TONSL: variants seen among roughly 807,000 people sequenced by gnomAD.
TONSL encodes the protein tonsoku like, DNA repair protein, also known as tonsoku-like protein.
TONSL carries 112 observed loss-of-function variants against 147.1 expected under a neutral mutation model. The ratio of observed to expected loss-of-function variants is 0.76; its 90% CI spans 0.65 to 0.89. TONSL has a LOEUF of 0.89. Ranked by LOEUF, TONSL falls within the 40% of genes least tolerant of loss-of-function variation. The probability of loss-of-function intolerance (pLI) is 0.00; values close to 1 mark genes in which losing one functional copy is unlikely to be tolerated. For synonymous variants in TONSL, 868 were observed against 801.5 expected (o/e 1.08, Z -1.40); for missense variants, 1,883 against 1,864.6 (o/e 1.01, Z -0.18).
At chr8:144,442,562 G>C in intron 5 of TONSL, 115 bp downstream of exon 5, 2 of 1,499,210 alleles carry the variant, frequency 1.3e-6, no homozygotes, top group Non-Finnish European at 1.8e-6. Flanking sequence ...AGAGGTGGGG[G>C]GATGAGGCCC....
chr8:144,435,107 G>A lies in TONSL; in HGVS notation c.2916C>T (p.Cys972=), dbSNP rs369455058. The A allele has an allele frequency of 3.0e-4, 472 of 1,598,844 alleles. 1 individual carries two copies. In the Middle Eastern group the frequency reaches 4.4e-3, roughly 15 times the overall value. ...EQAAQRYYQT[C]GLLPRLTLRK... ...GTAGGGTGAGCCTGGGCAGCAGCCC[G>A]CAGGTCTGGTAGTAGCGCTGGGCCG... The change falls in exon 19 of 26, where the codon TGC becomes TGT. Residue 972 remains cysteine, a synonymous_variant. Coordinates refer to ENST00000409379, the MANE Select transcript of TONSL (RefSeq NM_013432.5).
chr8:144,433,562 G>A (rs1554879190), intron 22 of TONSL, 26 bp downstream of exon 22: 4 of 1,610,570 alleles, frequency 2.5e-6, no homozygotes, highest in Middle Eastern at 1.6e-4. Context: ...GCTAGGGAGT[G>A]GACAGGGAGT....
In TONSL at chr8:144,432,365, G is replaced by C; in HGVS notation, c.3655C>G (p.Leu1219Val). 1 of 1,613,250 alleles carries C rather than the reference G, an allele frequency of 6.2e-7. No individual in the cohort carries two copies. The highest frequency in any genetic ancestry group is 8.5e-7 in the Non-Finnish European group (1 of 1,179,778). The change falls in exon 23 of 26, where the codon CTG becomes GTG. Residue 1219 changes from leucine to valine, a missense_variant. Leu to Val is a conservative substitution (Grantham distance 32, BLOSUM62 1). Transcript: ENST00000409379. ...GCCACGGAGCTGAGCTCTAAGTGCA[G>C]GAGGGTGCCGGCGGGCAGGCTCTGC... ...TLQSLPAGTL[L>V]HLELSSVAAG...
Position 144,436,417 on chromosome 8 carries a change from A to T in TONSL, c.2016T>A (p.Asp672Glu), listed in dbSNP as rs1564730458. ...TGTGGAAGGCCTGGGAGCTGTGGGG[A>T]TCTGTGGGAGAGAGAATGCGTGTTG... ...MLLQAAASGQ[D>E]PHSSQAFHTP... The change falls in exon 17 of 26, where the codon GAT becomes GAA. Residue 672 changes from aspartate (D) to glutamate (E), a missense_variant and splice_region_variant. Physicochemically the swap from Asp to Glu is conservative, Grantham distance 45 (BLOSUM62 2). Coordinates refer to ENST00000409379, the MANE Select transcript of TONSL (RefSeq NM_013432.5). 3 of 1,514,402 alleles carry T rather than the reference A, an allele frequency of 2.0e-6. No homozygotes were observed. The highest frequency in any genetic ancestry group is 2.6e-6 in the Non-Finnish European group (3 of 1,136,414). The allele number at this position is 1,514,402 out of a possible 1,614,324, so 93.8% of individuals were successfully genotyped here. A position where few individuals can be genotyped will look rare whatever the true frequency, so the allele number is the denominator to read the frequency against.
chr8:144,438,595 C>T (rs780746946), intron 12 of TONSL, 35 bp from the exon 13 acceptor site: 16 of 1,531,138 alleles, frequency 1.0e-5, no homozygotes, highest in African/African-American at 5.5e-5. Context: ...AGGGCAGGGG[C>T]GTGAGGAGCT....
At position 144,434,999 on chromosome 8, in the gene TONSL, C is replaced by T; in HGVS notation, c.3006+18G>A. ...CCGGTGCCTGAGGCCCTGGCTCCCC[C>T]TCCGCTCTGCGGCTCACCTCGTCAT... On this transcript the variant is annotated intron_variant, in intron 19 of 25. Coordinates refer to ENST00000409379, the MANE Select transcript of TONSL (RefSeq NM_013432.5). 6.2e-7 allele frequency: 1 copy of T among 1,612,064 alleles called. No homozygotes were observed. Among genetic ancestry groups the T allele is most frequent in the South Asian group, 1.1e-5 (1 of 90,880 alleles).
At chr8:144,439,451 C>T (rs1384874056) in intron 11 of TONSL, among the ~76,000 whole-genome samples, 2 of 126,022 alleles carry the variant, frequency 1.6e-5, no homozygotes, top group Non-Finnish European at 3.8e-5. Flanking sequence ...GAAGTCACAG[C>T]CTTCCCTGGA....
At chr8:144,433,429 G>T in intron 22 of TONSL, 159 bp downstream of exon 22, 1 of 733,586 alleles carries the variant, frequency 1.4e-6, no homozygotes, top group Non-Finnish European at 2.2e-6. Context: ...AGGCTTTCCT[G>T]GAACTCTTGG....
Position 144,435,527 on chromosome 8 carries a change from G to C in TONSL, c.2799C>G (p.Ile933Met), listed in dbSNP as rs752078037. The change falls in exon 18 of 26, where the codon ATC (isoleucine) becomes ATG (methionine). Residue 933 changes from isoleucine to methionine, a missense_variant. Transcript: ENST00000409379. ...GATCCTGAACTTGAACTCGAACCCGGATGGGAGGGGGCGGGGCCGGACCCT... is the reference window on the plus strand; with the variant it reads ...GATCCTGAACTTGAACTCGAACCCGCATGGGAGGGGGCGGGGCCGGACCCT... The part of the protein sequence containing the change: ...QPLGPAPPPP[I>M]RVRVQVQDHL... The C allele has an allele frequency of 6.4e-7, 1 of 1,551,418 alleles. No individual in the cohort carries two copies. The highest frequency in any genetic ancestry group is 8.7e-7 in the Non-Finnish European group (1 of 1,147,170).
chr8:144,438,400 AG>A, intron 13 of TONSL, 70 bp downstream of exon 13: 5 of 1,517,458 alleles, frequency 3.3e-6, no homozygotes, highest in Non-Finnish European at 4.5e-6. Flanking sequence ...TTACAGAGAT[AG>A]GGGATCCGGC....
At chr8:144,430,961 G>T in intron 24 of TONSL, 117 bp downstream of exon 24, 1 of 1,217,256 alleles carries the variant, frequency 8.2e-7, no homozygotes, top group Non-Finnish European at 1.2e-6. Flanking sequence ...AAGGAGCCAG[G>T]TCTTGGGATG....
In TONSL at chr8:144,444,251, G is replaced by T. The variant is rs986591766; in HGVS notation, c.50C>A (p.Ala17Glu). ...TTCGCGCCGCTGCCCGGCCCTCTGCGCCTTGGCTTTCGCCTTGCTCAGCTC... is the reference window on the plus strand; with the variant it reads ...TTCGCGCCGCTGCCCGGCCCTCTGCTCCTTGGCTTTCGCCTTGCTCAGCTC... ...LRQLSKAKAK[A>E]QRAGQRREEA... Residue 17 changes from alanine to glutamate, a missense_variant, in exon 2 of 26, where the codon GCG (alanine) becomes GAG (glutamate). Ala to Glu is a moderately radical substitution (Grantham distance 107). Transcript: ENST00000409379. 6.9e-7 allele frequency: 1 copy of T among 1,455,006 alleles called. No homozygotes were observed. The highest frequency in any genetic ancestry group is 9.0e-7 in the Non-Finnish European group (1 of 1,105,778). The allele number at this position is 1,455,006 out of a possible 1,614,324, so 90.1% of individuals were successfully genotyped here.
At position 144,440,100 on chromosome 8, in the gene TONSL, CTCATCT is replaced by C. The variant is rs768606981; in HGVS notation, c.1395_1400del (p.Asp466_Glu467del). ...CTGCCGCCTCCTCCGCCTCCTCCTC[CTCATCT>C]TCATCTTCAGCTACACTGAGCTCCC... is the stretch of plus-strand genomic sequence containing the variant. On this transcript the variant is annotated inframe_deletion, in exon 11 of 26. Coordinates refer to ENST00000409379, the MANE Select transcript of TONSL (RefSeq NM_013432.5). 6 of 1,610,934 alleles carry C rather than the reference CTCATCT, an allele frequency of 3.7e-6. No homozygotes were observed. Among genetic ancestry groups the C allele is most frequent in the African/African-American group, 1.3e-5 (1 of 74,972 alleles).
intron 4 of TONSL, 65 bp downstream of exon 4, chr8:144,443,073 G>A (rs1823781171): frequency 6.6e-7 from 1 of 1,507,180 alleles, no homozygotes. Context: ...GGCTGCGGGG[G>A]TGCTGGGCTG....
intron 24 of TONSL, 105 bp from the exon 25 acceptor site, chr8:144,430,642 A>C: frequency 7.3e-7 from 1 of 1,376,558 alleles, no homozygotes; most frequent in Non-Finnish European, 9.8e-7. Context: ...GCCTCGGGCC[A>C]GACCCAGGGG....
chr8:144,433,994 C>A lies in TONSL; in HGVS notation c.3371G>T (p.Gly1124Val). ...TGCCTATACCTGCAAGGTGGCTTGG[C>A]CTGGGAGCCCCATGGCAAGCTGGCG... ...GLRQLAMGLP[G>V]QATLQSLEEL... The change falls in exon 21 of 26, where the codon GGC becomes GTC. Residue 1124 changes from glycine to valine, a missense_variant. Physicochemically the swap from Gly to Val is moderately radical, Grantham distance 109. Coordinates refer to ENST00000409379, the MANE Select transcript of TONSL (RefSeq NM_013432.5). The A allele has an allele frequency of 6.3e-7, 1 of 1,591,006 alleles. No homozygotes were observed. The highest frequency in any genetic ancestry group is 8.6e-7 in the Non-Finnish European group (1 of 1,166,344).
chr8:144,434,310 A>C, intron 20 of TONSL, 31 bp from the exon 21 acceptor site: 1 of 1,478,672 alleles, frequency 6.8e-7, no homozygotes, highest in Non-Finnish European at 9.0e-7. Flanking sequence ...CACCAGGGTA[A>C]GGCCGGCCCT....
At chr8:144,437,184 C>T in intron 13 of TONSL, 85 bp from the exon 14 acceptor site, 1 of 1,374,058 alleles carries the variant, frequency 7.3e-7, no homozygotes, top group South Asian at 1.2e-5. Context: ...CTAAGCTGAG[C>T]CCAGGGCCTC....
At chr8:144,438,384 T>G in intron 13 of TONSL, 87 bp downstream of exon 13, 2 of 1,422,554 alleles carry the variant, frequency 1.4e-6, no homozygotes, top group Non-Finnish European at 1.9e-6. Flanking sequence ...ATGAGGAAGT[T>G]GAGAGTTACA....
Sources: allele counts gnomAD v4.1 joint callset (sites outside exome capture counted in the v4.1 genomes callset), GRCh38; gene constraint gnomAD v4.1.1; transcripts MANE v1.5; gene names NCBI Gene and HGNC (gene_info 2026-07-23, HGNC 2026-07-21).